XKR4: variants seen among roughly 807,000 people sequenced by gnomAD.
XKR4 encodes the protein XK-related protein 4.
In XKR4, 12 loss-of-function variants were observed where a neutral mutation model predicts 53.9. The observed-to-expected ratio is 0.22, with a 90% CI of 0.14 to 0.36. The LOEUF is 0.36. Among genes scored for constraint, XKR4 ranks in the 10% least tolerant of loss-of-function variants. XKR4 has a pLI of 1.00. For missense variants in XKR4, 799 were observed against 859.5 expected, an observed-to-expected ratio of 0.93 and a Z score of 0.88; for synonymous variants, 354 against 362.4, an observed-to-expected ratio of 0.98 and a Z score of 0.26.
At chr8:55,286,661 T>TCTCACAGCATGCCTTC (rs1278240872) in intron 1 of XKR4, among the ~76,000 whole-genome samples, 2 of 152,180 alleles carry the variant, frequency 1.3e-5, no homozygotes, top group Non-Finnish European at 2.9e-5. Context: ...TACATGCCTT[T>TCTCACAGCATGCCTTC]CTCACAGCAT....
chr8:55,478,916 T>C (rs1438099527), intron 2 of XKR4, among the ~76,000 whole-genome samples: 1 of 152,082 alleles, frequency 6.6e-6, no homozygotes, highest in Non-Finnish European at 1.5e-5. Flanking sequence ...CTTAGTGACA[T>C]ACAAAGAGAC....
In XKR4 at chr8:55,523,580, G is replaced by T. The variant is rs751343278; in HGVS notation, c.1306G>T (p.Val436Leu). Residue 436 changes from valine to leucine, a missense_variant, in exon 3 of 3, where the codon GTG becomes TTG. By Grantham distance (32) the Val-to-Leu change is conservative. This residue lies in a region of XKR4 where 54 missense variants were observed against 89.7 expected (regional missense o/e 0.60). Transcript: ENST00000327381. ...ATGGGAAGAGATTGTGTTCGACATG[G>T]TGGTGGGGATTATCTATATCTTCAG... ...TKWEEIVFDM[V>L]VGIIYIFSWF... The T allele has an allele frequency of 1.2e-6, 2 of 1,614,206 alleles. No individual in the cohort carries two copies. Among genetic ancestry groups the T allele is most frequent in the South Asian group, 2.2e-5 (2 of 91,082 alleles).
chr8:55,339,797 C>T (rs945289669), intron 1 of XKR4, among the ~76,000 whole-genome samples: 1 of 152,128 alleles, frequency 6.6e-6, no homozygotes, highest in Non-Finnish European at 1.5e-5. Flanking sequence ...AATCACATTT[C>T]CACAAACCAC....
Position 55,481,588 on chromosome 8 carries a change from T to C in XKR4, c.1007-41693T>C, listed in dbSNP as rs536264524. Among the ~76,000 whole-genome samples the C allele has an allele frequency of 6.0e-3, 905 of 152,060 alleles. 9 individuals are homozygous for C. Among genetic ancestry groups the C allele is most frequent in the African/African-American group, 0.02 (835 of 41,440 alleles). On this transcript the variant is annotated intron_variant, in intron 2 of 2. Transcript: ENST00000327381. Reference sequence around the variant, plus strand: ...AGAGCTTCTGCACAGCAAAAGAAACTACCATCAGAGTGAACAGGCAACCTA... The same window carrying C: ...AGAGCTTCTGCACAGCAAAAGAAACCACCATCAGAGTGAACAGGCAACCTA...
intron 2 of XKR4, chr8:55,451,197 G>A (rs1017774200): frequency 1.8e-5 from 10 of 555,426 alleles, no homozygotes; most frequent in South Asian, 1.2e-4. Context: ...TGGGGCCATC[G>A]CCTCTCTGCC....
At position 55,522,201 on chromosome 8, in the gene XKR4, T is replaced by C. The variant is rs376748581; in HGVS notation, c.1007-1080T>C. ...GTGGAACAAGAGTAGAGGAAAACAA[T>C]ACAAATGACTTTTAACATTTGGAAG... On this transcript the variant is annotated intron_variant, in intron 2 of 2. Transcript: ENST00000327381. 7.6e-4 allele frequency among the ~76,000 whole-genome samples: 115 copies of C among 152,254 alleles called. 2 individuals carry two copies. Among genetic ancestry groups the C allele is most frequent in the African/African-American group, 2.7e-3 (111 of 41,560 alleles).
intron 2 of XKR4, among the ~76,000 whole-genome samples, chr8:55,522,168 T>C (rs1283745918): frequency 6.6e-6 from 1 of 152,202 alleles, no homozygotes; most frequent in Non-Finnish European, 1.5e-5. Flanking sequence ...AACTGTGCCA[T>C]ACAGGAGGTG....
chr8:55,413,030 G>A (rs1332934595), intron 2 of XKR4, among the ~76,000 whole-genome samples: 1 of 152,184 alleles, frequency 6.6e-6, no homozygotes, highest in Non-Finnish European at 1.5e-5. Context: ...GGGCAGGGAT[G>A]GAAGACAAAT....
intron 1 of XKR4, among the ~76,000 whole-genome samples, chr8:55,207,171 G>A (rs940625084): frequency 2.0e-5 from 3 of 152,296 alleles, no homozygotes; most frequent in South Asian, 4.1e-4. Flanking sequence ...TCACTGGTAA[G>A]GACTGTACTT....
rs1342635768 is a variant in XKR4 at position 55,541,840 on chromosome 8, C to T, written c.*17613C>T. ...GTGTGTCTTTATTCGCGGGAGGCCACTGTCAGCAGGCAGTGACCCCCAGTG... is the reference window on the plus strand; with the variant it reads ...GTGTGTCTTTATTCGCGGGAGGCCATTGTCAGCAGGCAGTGACCCCCAGTG... On this transcript the variant is annotated 3_prime_UTR_variant, in exon 3 of 3. Transcript: ENST00000327381. 6.6e-6 allele frequency: 1 copy of T among 152,156 alleles called. No individual in the cohort carries two copies. The highest frequency in any genetic ancestry group is 1.9e-4 in the East Asian group (1 of 5,198). The allele number at this position is 152,156 out of a possible 1,614,324, so 9.4% of individuals were successfully genotyped here.
At chr8:55,499,292 T>C (rs78212519) in intron 2 of XKR4, among the ~76,000 whole-genome samples, 5,225 of 152,232 alleles carry the variant, frequency 0.034, 544 homozygotes, top group East Asian at 0.31. Flanking sequence ...GCCTGGAGCA[T>C]AGAGGTCCTT....
intron 1 of XKR4, among the ~76,000 whole-genome samples, chr8:55,118,383 A>G (rs1004413304): frequency 9.2e-5 from 14 of 152,190 alleles, no homozygotes; most frequent in African/African-American, 3.4e-4. Context: ...ACATATGTTC[A>G]TGAATTATGA....
At chr8:55,374,224 T>A (rs146059986) in intron 2 of XKR4, among the ~76,000 whole-genome samples, 1 of 152,196 alleles carries the variant, frequency 6.6e-6, no homozygotes, top group Non-Finnish European at 1.5e-5. Flanking sequence ...ACGATAAACA[T>A]GCAGTGGGCA....
At chr8:55,241,089 C>A (rs1159755929) in intron 1 of XKR4, among the ~76,000 whole-genome samples, 4 of 152,208 alleles carry the variant, frequency 2.6e-5, no homozygotes, top group Admixed American at 2.0e-4. Flanking sequence ...AAAAAAGAAA[C>A]CTTCAAAACT....
chr8:55,442,245 A>G (rs1397026301), intron 2 of XKR4, among the ~76,000 whole-genome samples: 2 of 152,182 alleles, frequency 1.3e-5, no homozygotes, highest in Non-Finnish European at 2.9e-5. Context: ...TTCTGGAAAA[A>G]TACGTATTAT....
chr8:55,479,750 A>G (rs1465634840), intron 2 of XKR4, among the ~76,000 whole-genome samples: 1 of 152,220 alleles, frequency 6.6e-6, no homozygotes, highest in Non-Finnish European at 1.5e-5. Flanking sequence ...ACAAACTACC[A>G]TCAGAGAATA....
intron 1 of XKR4, among the ~76,000 whole-genome samples, chr8:55,122,832 A>G (rs1284428448): frequency 6.6e-6 from 1 of 152,130 alleles, no homozygotes; most frequent in Non-Finnish European, 1.5e-5. Flanking sequence ...ATGATTAATT[A>G]AACCTGTAGT....
At chr8:55,183,230 C>G (rs898187630) in intron 1 of XKR4, among the ~76,000 whole-genome samples, 4 of 151,168 alleles carry the variant, frequency 2.6e-5, no homozygotes, top group African/African-American at 9.7e-5. Flanking sequence ...GATTTCTGCT[C>G]TAATATGTAT....
intron 1 of XKR4, among the ~76,000 whole-genome samples, chr8:55,212,204 A>G (rs925682555): frequency 6.6e-6 from 1 of 151,998 alleles, no homozygotes; most frequent in Non-Finnish European, 1.5e-5. Flanking sequence ...TTCAGAGGCA[A>G]TAGATTGTAA....
Sources: gnomAD v4.1 joint callset for allele counts (sites outside exome capture counted in the v4.1 genomes callset) on GRCh38, gnomAD v4.1.1 for gene constraint, gnomAD v4.1.1 regional missense constraint, MANE v1.5 for transcripts, NCBI Gene and HGNC (gene_info 2026-07-23, HGNC 2026-07-21) for gene names.